Variants in BORCS5 observed in about 807,000 individuals in gnomAD.
The protein encoded by BORCS5 is BLOC-1 related complex subunit 5, also known as BLOC-1-related complex subunit 5.
BORCS5 carries 17 observed loss-of-function variants against 22.1 expected under a neutral mutation model. The ratio of observed to expected loss-of-function variants is 0.77; its 90% CI spans 0.53 to 1.15. The LOEUF (loss-of-function observed/expected upper bound fraction) is 1.15, where lower values mean the gene tolerates loss of function less well. BORCS5 is among the 50% of genes most tolerant of loss of function. The pLI is 0.00. For synonymous variants in BORCS5, 117 were observed against 99.8 expected (o/e 1.17, Z -1.03); for missense variants, 247 against 253.2 (o/e 0.98, Z 0.17).
Position 12,465,755 on chromosome 12 carries a change from C to T in BORCS5, c.570C>T (p.Pro190=), listed in dbSNP as rs370730226. 42 of 1,613,028 alleles carry T rather than the reference C, an allele frequency of 2.6e-5. No individual in the cohort carries two copies. In the African/African-American group the frequency reaches 2.8e-4, roughly 11 times the overall value. The change falls in exon 4 of 4, where the codon CCC becomes CCT. Residue 190 remains proline, a synonymous_variant. Transcript: ENST00000314565. The stretch of plus-strand genomic sequence containing the variant: ...GGCTGGAGCCCTTCAGCATGAAGCC[C>T]GACCGCGAGCTCAGGCTGTAGCTGC... ...GERLEPFSMK[P]DRELRL
Position 12,433,348 on chromosome 12 carries a change from A to AAAAT in BORCS5, c.203-2280_203-2279insAAAT, listed in dbSNP as rs35052204. ...AAAAAAAAAAAAAAAAAAAAAAAAA[A>AAAAT]GGAAATCTGCCCGGGTGCAGCGGCA... On this transcript the variant is annotated intron_variant, in intron 2 of 3. Transcript: ENST00000314565. 2.1e-4 allele frequency among the ~76,000 whole-genome samples: 27 copies of AAAAT among 126,114 alleles called. 1 individual carries two copies. The highest frequency in any genetic ancestry group is 3.4e-4 in the Admixed American group (4 of 11,916). The allele number at this position is 126,114 out of a possible 152,430, so 82.7% of individuals were successfully genotyped here.
intron 2 of BORCS5, among the ~76,000 whole-genome samples, chr12:12,392,179 C>T (rs1941210782): frequency 6.6e-6 from 1 of 151,394 alleles, no homozygotes; most frequent in African/African-American, 2.4e-5. Flanking sequence ...GTAACAAATA[C>T]ACACTACTCA....
intron 3 of BORCS5, among the ~76,000 whole-genome samples, chr12:12,462,104 C>T (rs188475510): frequency 3.0e-4 from 45 of 152,290 alleles, no homozygotes; most frequent in African/African-American, 1.0e-3. Context: ...CCTAGGACCT[C>T]GCATAGTGCA....
At chr12:12,443,366 G>A (rs897240397) in intron 3 of BORCS5, among the ~76,000 whole-genome samples, 1 of 152,322 alleles carries the variant, frequency 6.6e-6, no homozygotes. Flanking sequence ...AAGTTACTCT[G>A]GCATCAATTC....
intron 1 of BORCS5, 84 bp from the exon 2 acceptor site, chr12:12,361,121 CT>C: frequency 7.4e-7 from 1 of 1,348,036 alleles, no homozygotes; most frequent in South Asian, 1.3e-5. Context: ...TAAAATTATT[CT>C]TTTTAATCAC....
intron 2 of BORCS5, among the ~76,000 whole-genome samples, chr12:12,429,249 T>C (rs181110996): frequency 6.6e-6 from 1 of 152,356 alleles, no homozygotes; most frequent in East Asian, 1.9e-4. Flanking sequence ...TTCTCCCTCT[T>C]TTCAGAAGAT....
rs1017914089 is a variant in BORCS5 at position 12,385,668 on chromosome 12, C to G, written c.202+24319C>G. On this transcript the variant is annotated intron_variant, in intron 2 of 3. Transcript: ENST00000314565. ...GGGACTGCAGGAGCACACCACCATG[C>G]CTGGCTAATTTTTGTATTTTTAGTA... is the stretch of plus-strand genomic sequence containing the variant. Among the ~76,000 whole-genome samples, 13 of 151,206 alleles carry G rather than the reference C, an allele frequency of 8.6e-5. 1 individual carries two copies. The highest frequency in any genetic ancestry group is 1.5e-4 in the Non-Finnish European group (10 of 67,604).
At position 12,466,278 on chromosome 12, in the gene BORCS5, T is replaced by A. The variant is rs1409060862; in HGVS notation, c.*502T>A. The A allele has an allele frequency of 1.3e-5, 2 of 152,516 alleles. No individual in the cohort carries two copies. Among genetic ancestry groups the A allele is most frequent in the Non-Finnish European group, 2.9e-5 (2 of 68,348 alleles). The allele number at this position is 152,516 out of a possible 1,614,324, so 9.4% of individuals were successfully genotyped here. ...CCTGTTTCTACCCTGACTGTTTCCG[T>A]CACACCAAGCCCTTATCTGGGGCGC... On this transcript the variant is annotated 3_prime_UTR_variant, in exon 4 of 4. Transcript: ENST00000314565.
chr12:12,363,545 C>T (rs1472299938), intron 2 of BORCS5, among the ~76,000 whole-genome samples: 1 of 152,110 alleles, frequency 6.6e-6, no homozygotes, highest in Admixed American at 6.5e-5. Flanking sequence ...ACCATCCTGG[C>T]TAACACGGTG....
chr12:12,396,229 T>C (rs1407693839), intron 2 of BORCS5, among the ~76,000 whole-genome samples: 1 of 152,158 alleles, frequency 6.6e-6, no homozygotes, highest in Non-Finnish European at 1.5e-5. Context: ...TCAAGTGATC[T>C]GCCCGCCTCG....
chr12:12,389,736 C>T (rs12312599), intron 2 of BORCS5, among the ~76,000 whole-genome samples: 2,186 of 152,252 alleles, frequency 0.014, 20 homozygotes, highest in Non-Finnish European at 0.024. Context: ...CTCTGCCTTT[C>T]GGGTTCAAGT....
At chr12:12,388,745 T>G (rs1358961153) in intron 2 of BORCS5, among the ~76,000 whole-genome samples, 1 of 151,036 alleles carries the variant, frequency 6.6e-6, no homozygotes, top group African/African-American at 2.4e-5. Context: ...TGGGGCCAGA[T>G]AGACTATCTT....
chr12:12,398,933 T>C (rs1592086539), intron 2 of BORCS5, among the ~76,000 whole-genome samples: 1 of 152,110 alleles, frequency 6.6e-6, no homozygotes, highest in African/African-American at 2.4e-5. Context: ...ACGGTTGGGG[T>C]GCTACTGGCA....
At chr12:12,462,147 G>A (rs1272327642) in intron 3 of BORCS5, among the ~76,000 whole-genome samples, 6 of 152,192 alleles carry the variant, frequency 3.9e-5, no homozygotes, top group African/African-American at 1.2e-4. Context: ...CTCAATAACT[G>A]TCTGTTGCCT....
chr12:12,357,278 G>T lies in BORCS5; in HGVS notation c.-174G>T. The T allele has an allele frequency of 6.9e-7, 1 of 1,452,270 alleles. No homozygotes were observed. Among genetic ancestry groups the T allele is most frequent in the Admixed American group, 2.6e-5 (1 of 38,058 alleles). The allele number at this position is 1,452,270 out of a possible 1,614,324, so 90.0% of individuals were successfully genotyped here. On this transcript the variant is annotated 5_prime_UTR_variant, in exon 1 of 4. Transcript: ENST00000314565. ...CCCAAATAGGGCCTCTCCTTCTCCC[G>T]CCGCCCAGGCCCCTGCGTGGGCTGG...
At chr12:12,384,321 G>C (rs1863836234) in intron 2 of BORCS5, among the ~76,000 whole-genome samples, 1 of 149,806 alleles carries the variant, frequency 6.7e-6, no homozygotes, top group Non-Finnish European at 1.5e-5. Context: ...TCTCCTTATA[G>C]GGAATCTGAA....
At chr12:12,436,617 A>C (rs1236696629) in intron 3 of BORCS5, among the ~76,000 whole-genome samples, 1 of 145,944 alleles carries the variant, frequency 6.9e-6, no homozygotes, top group Non-Finnish European at 1.5e-5. Flanking sequence ...TGTTTAACAA[A>C]GTGGCCCTTT....
chr12:12,438,374 A>AAAAAAAAAAAACAAAAAAC (rs1555156024), intron 3 of BORCS5, among the ~76,000 whole-genome samples: 8 of 125,064 alleles, frequency 6.4e-5, no homozygotes, highest in Middle Eastern at 4.0e-3. Context: ...AAAAAAAAAA[A>AAAAAAAAAAAACAAAAAAC]AAAAAACGAA....
At chr12:12,410,358 A>G (rs1195891299) in intron 2 of BORCS5, among the ~76,000 whole-genome samples, 1 of 152,156 alleles carries the variant, frequency 6.6e-6, no homozygotes, top group Non-Finnish European at 1.5e-5. Context: ...TTATGGTTTT[A>G]GGTCTAACAT....
Sources: gnomAD v4.1 joint callset for allele counts (sites outside exome capture counted in the v4.1 genomes callset) on GRCh38, gnomAD v4.1.1 for gene constraint, MANE v1.5 for transcripts, NCBI Gene and HGNC (gene_info 2026-07-23, HGNC 2026-07-21) for gene names.